GTF2A1L: variants seen among roughly 807,000 people sequenced by gnomAD.
GTF2A1L encodes the protein general transcription factor IIA subunit 1 like, also known as TFIIA-alpha and beta-like factor.
GTF2A1L carries 48 observed loss-of-function variants against 49.7 expected under a neutral mutation model. That is an observed-to-expected ratio of 0.97 (90% CI 0.77 to 1.23). GTF2A1L has a LOEUF of 1.23. Among genes scored for constraint, GTF2A1L ranks in the 50% most tolerant of loss-of-function variants. The pLI, the probability that GTF2A1L is intolerant of heterozygous loss-of-function variation, is 0.00. For missense variants in GTF2A1L, 736 were observed against 564.8 expected, an observed-to-expected ratio of 1.30 and a Z score of -3.07; for synonymous variants, 246 against 193.5, an observed-to-expected ratio of 1.27 and a Z score of -2.25.
rs6748862 is a variant in GTF2A1L, at chr2:48,661,442, C to T, written c.979-8280C>T. Among the ~76,000 whole-genome samples, 577 of 151,106 alleles carry T rather than the reference C, an allele frequency of 3.8e-3. 11 individuals carry two copies. The highest frequency in any genetic ancestry group is 0.013 in the African/African-American group (536 of 41,168). On this transcript the variant is annotated intron_variant, in intron 6 of 8. Coordinates refer to ENST00000403751, the MANE Select transcript of GTF2A1L (RefSeq NM_006872.5). The stretch of plus-strand genomic sequence containing the variant: ...CTAATTTTTGTACTTTTAGTAGAGA[C>T]GGGGTTTCACCATATTGGCCAGGCT...
rs1046010582 is a variant in GTF2A1L, at chr2:48,618,031, G to C, written c.21+136G>C. The C allele has an allele frequency of 8.4e-5, 77 of 915,140 alleles. 1 individual carries two copies. The highest frequency in any genetic ancestry group is 1.2e-4 in the Non-Finnish European group (73 of 611,248). 56.7% of individuals were successfully genotyped at this position (915,140 alleles called of 1,614,324 possible). ...ACCCTCTCTCTTCCTTAGGGGCTGG[G>C]GCTCTTCTTCACGTCTGTGTTGGAG... On this transcript the variant is annotated intron_variant, in intron 1 of 8. Coordinates refer to ENST00000403751, the MANE Select transcript of GTF2A1L (RefSeq NM_006872.5).
At chr2:48,629,079 A>G (rs113531385) in intron 3 of GTF2A1L, among the ~76,000 whole-genome samples, 1,518 of 142,872 alleles carry the variant, frequency 0.011, 226 homozygotes, top group South Asian at 0.024. Context: ...TGTCTTTACT[A>G]AAAATACAAA....
intron 1 of GTF2A1L, among the ~76,000 whole-genome samples, chr2:48,619,201 G>A (rs533361686): frequency 3.8e-4 from 58 of 152,294 alleles, no homozygotes; most frequent in African/African-American, 1.3e-3. Context: ...GGGCACGGTG[G>A]CTTACACCTG....
At chr2:48,634,794 A>G (rs1344280403) in intron 3 of GTF2A1L, among the ~76,000 whole-genome samples, 1 of 152,178 alleles carries the variant, frequency 6.6e-6, no homozygotes, top group East Asian at 1.9e-4. Context: ...CCTTTTGTAC[A>G]GGATCTGACC....
chr2:48,621,452 A>G (rs912389046), intron 3 of GTF2A1L, 162 bp downstream of exon 3: 2 of 929,384 alleles, frequency 2.2e-6, no homozygotes, highest in Non-Finnish European at 2.9e-6. Flanking sequence ...GCCCCATGTA[A>G]TTATTGATTA....
In GTF2A1L at chr2:48,646,887, C is replaced by T; in HGVS notation, c.823C>T (p.His275Tyr). The T allele has an allele frequency of 1.2e-6, 2 of 1,614,200 alleles. No individual in the cohort carries two copies. Among genetic ancestry groups the T allele is most frequent in the Non-Finnish European group, 1.7e-6 (2 of 1,180,036 alleles). Residue 275 changes from histidine to tyrosine, a missense_variant, in exon 6 of 9, where the codon CAT becomes TAT. By Grantham distance (83) the His-to-Tyr change is moderately conservative. Transcript: ENST00000403751. ...TTCAGCTAGCATGGCTCAAAATCTG[C>T]ATGATGAGTCCCTCTCCACAAGCCC... ...SGSASMAQNL[H>Y]DESLSTSPHG...
Position 48,656,362 on chromosome 2 carries a change from T to G in GTF2A1L, c.978+9320T>G, listed in dbSNP as rs1042014394. 1.3e-3 allele frequency among the ~76,000 whole-genome samples: 190 copies of G among 148,396 alleles called. 3 individuals are homozygous for G. Among genetic ancestry groups the G allele is most frequent in the Middle Eastern group, 0.01 (3 of 292 alleles). ...GCTTATTTTCTGTTTTTTTTTTTTT[T>G]TTTTTTTTTTTTTTTAATAATTGCT... On this transcript the variant is annotated intron_variant, in intron 6 of 8. Transcript: ENST00000403751.
chr2:48,654,356 C>T (rs1242195121), intron 6 of GTF2A1L, among the ~76,000 whole-genome samples: 1 of 151,990 alleles, frequency 6.6e-6, no homozygotes, highest in Non-Finnish European at 1.5e-5. Flanking sequence ...GGCCTGTGAT[C>T]TATTCTGGGC....
intron 1 of GTF2A1L, among the ~76,000 whole-genome samples, chr2:48,620,337 T>G (rs931005503): frequency 6.6e-6 from 1 of 152,240 alleles, no homozygotes; most frequent in Non-Finnish European, 1.5e-5. Flanking sequence ...GCTGAGACTA[T>G]GGGTCTGAAG....
rs199521022 is a variant in GTF2A1L, at chr2:48,646,760, G to A, written c.696G>A (p.Leu232=). The part of the protein sequence containing the change: ...GNEHKIVPEA[L]LCHQESSHYI... ...AGCATAAAATCGTGCCTGAAGCTTT[G>A]TTGTGTCATCAGGAAAGTTCTCACT... Residue 232 remains leucine, a synonymous_variant, in exon 6 of 9, where the codon TTG becomes TTA. Transcript: ENST00000403751. The A allele has an allele frequency of 9.9e-6, 16 of 1,614,176 alleles. No homozygotes were observed. The highest frequency in any genetic ancestry group is 1.6e-4 in the Middle Eastern group (1 of 6,062).
intron 1 of GTF2A1L, among the ~76,000 whole-genome samples, chr2:48,620,231 C>G (rs1342217334): frequency 6.6e-6 from 1 of 152,174 alleles, no homozygotes; most frequent in Non-Finnish European, 1.5e-5. Flanking sequence ...AGGTTAAATA[C>G]TGACACAAAA....
chr2:48,679,188 A>C lies in GTF2A1L; in HGVS notation c.1330-147A>C, dbSNP rs1375421033. 2.9e-6 allele frequency: 3 copies of C among 1,018,892 alleles called. No individual in the cohort carries two copies. The East Asian group carries it at 8.3e-5, about 28-fold the overall frequency. The allele number at this position is 1,018,892 out of a possible 1,614,324, so 63.1% of individuals were successfully genotyped here. On this transcript the variant is annotated intron_variant, in intron 8 of 8. Transcript: ENST00000403751. ...CTAACACATAGGAACTCAAATGTTTATGGAATAAACAAACTATCTTGAGGA... is the reference window on the plus strand; with the variant it reads ...CTAACACATAGGAACTCAAATGTTTCTGGAATAAACAAACTATCTTGAGGA...
chr2:48,640,547 G>T (rs1336296525), intron 3 of GTF2A1L, among the ~76,000 whole-genome samples: 1 of 152,082 alleles, frequency 6.6e-6, no homozygotes, highest in South Asian at 2.1e-4. Context: ...GGTGGGCGGG[G>T]GCAGAGGAGT....
intron 6 of GTF2A1L, chr2:48,668,457 C>T (rs1678969139): frequency 6.6e-6 from 1 of 152,128 alleles, no homozygotes; most frequent in Admixed American, 6.5e-5. Flanking sequence ...TCTTAAGGAG[C>T]TTGACATTTT....
At chr2:48,675,167 A>T (rs929237275) in intron 8 of GTF2A1L, among the ~76,000 whole-genome samples, 1 of 152,174 alleles carries the variant, frequency 6.6e-6, no homozygotes, top group East Asian at 1.9e-4. Context: ...TTACTAATTC[A>T]GTGTGTTTTA....
intron 5 of GTF2A1L, among the ~76,000 whole-genome samples, chr2:48,645,938 G>T (rs1364929530): frequency 6.7e-6 from 1 of 149,492 alleles, no homozygotes. Context: ...ATGAGCCACC[G>T]CGCCTGGCCT....
In GTF2A1L at chr2:48,669,959, C is replaced by G; in HGVS notation, c.1216C>G (p.Pro406Ala). The change falls in exon 7 of 9, where the codon CCT becomes GCT. Residue 406 changes from proline (P) to alanine (A), a missense_variant. Physicochemically the swap from Pro to Ala is conservative, Grantham distance 27. Transcript: ENST00000403751. ...SATNSSDNED[P>A]QVNIVEEDPL... Reference sequence around the variant, plus strand: ...CACAAACAGTAGTGATAATGAAGACCCTCAAGTAAACATTGTAGAAGAGGT... The same window carrying G: ...CACAAACAGTAGTGATAATGAAGACGCTCAAGTAAACATTGTAGAAGAGGT... 6.2e-7 allele frequency: 1 copy of G among 1,613,360 alleles called. No homozygotes were observed. The highest frequency in any genetic ancestry group is 8.5e-7 in the Non-Finnish European group (1 of 1,179,730).
At chr2:48,618,141 A>C in intron 1 of GTF2A1L, 2 of 504,556 alleles carry the variant, frequency 4.0e-6, no homozygotes, top group African/African-American at 2.0e-5. Flanking sequence ...TTTTACCCAA[A>C]CTGAGGCTAT....
chr2:48,658,257 C>A (rs1678289381), intron 6 of GTF2A1L, among the ~76,000 whole-genome samples: 3 of 152,150 alleles, frequency 2.0e-5, no homozygotes, highest in African/African-American at 4.8e-5. Flanking sequence ...AATCTTCAAT[C>A]CATCTTGAGT....
Sources: allele counts gnomAD v4.1 joint callset (sites outside exome capture counted in the v4.1 genomes callset), GRCh38; gene constraint gnomAD v4.1.1; transcripts MANE v1.5; gene names NCBI Gene and HGNC (gene_info 2026-07-23, HGNC 2026-07-21).